UBE2K: variants seen among roughly 807,000 people sequenced by gnomAD.
UBE2K encodes the protein ubiquitin conjugating enzyme E2 K, also known as ubiquitin-conjugating enzyme E2 K.
In UBE2K, 6 loss-of-function variants were observed where a neutral mutation model predicts 30.0. The observed-to-expected ratio is 0.20, with a 90% CI of 0.11 to 0.39. UBE2K has a LOEUF of 0.39. Ranked by LOEUF, UBE2K falls within the 10% of genes least tolerant of loss-of-function variation. The pLI is 1.00. For synonymous variants in UBE2K, 86 were observed against 83.7 expected, an observed-to-expected ratio of 1.03 and a Z score of -0.15; for missense variants, 61 against 241.6, an observed-to-expected ratio of 0.25 and a Z score of 4.96.
chr4:39,774,256 A>C (rs1713138490), intron 4 of UBE2K, among the ~76,000 whole-genome samples: 1 of 151,914 alleles, frequency 6.6e-6, no homozygotes, highest in African/African-American at 2.4e-5. Context: ...GTGAGACAAG[A>C]TAGTGCCACT....
chr4:39,708,987 T>A (rs981235154), intron 1 of UBE2K, among the ~76,000 whole-genome samples: 1 of 151,678 alleles, frequency 6.6e-6, no homozygotes, highest in Non-Finnish European at 1.5e-5. Context: ...ATTTTTTAAC[T>A]CCTGAAGCAT....
At chr4:39,740,387 C>T (rs1720628636) in intron 2 of UBE2K, among the ~76,000 whole-genome samples, 1 of 151,758 alleles carries the variant, frequency 6.6e-6, no homozygotes, top group South Asian at 2.1e-4. Context: ...TATTAAGATA[C>T]ACTAATTAGC....
chr4:39,737,214 C>T (rs545967691), intron 1 of UBE2K, among the ~76,000 whole-genome samples: 7 of 152,160 alleles, frequency 4.6e-5, no homozygotes, highest in African/African-American at 1.4e-4. Flanking sequence ...GGTGTTATTT[C>T]GTTTAAAACA....
At chr4:39,717,406 T>G (rs1719142341) in intron 1 of UBE2K, among the ~76,000 whole-genome samples, 3 of 151,982 alleles carry the variant, frequency 2.0e-5, no homozygotes, top group Admixed American at 2.0e-4. Context: ...AATTTTTGTG[T>G]TTTAAGTACA....
At position 39,779,692 on chromosome 4, in the gene UBE2K, G is replaced by A. The variant is rs1446062615; in HGVS notation, c.*1258G>A. Reference sequence around the variant, plus strand: ...TAGTTTTGCAAGATCACACACTAATGTAACCATTTTATGAAGGTTGAAGTG... The same window carrying A: ...TAGTTTTGCAAGATCACACACTAATATAACCATTTTATGAAGGTTGAAGTG... On this transcript the variant is annotated 3_prime_UTR_variant, in exon 7 of 7. Coordinates refer to ENST00000261427, the MANE Select transcript of UBE2K (RefSeq NM_005339.5). 6.6e-6 allele frequency: 1 copy of A among 152,546 alleles called. No homozygotes were observed. The highest frequency in any genetic ancestry group is 1.5e-5 in the Non-Finnish European group (1 of 68,020). 9.4% of individuals were successfully genotyped at this position (152,546 alleles called of 1,614,324 possible). A position where few individuals can be genotyped will look rare whatever the true frequency, so the allele number is the denominator to read the frequency against.
intron 3 of UBE2K, among the ~76,000 whole-genome samples, chr4:39,749,540 A>T (rs952439551): frequency 2.0e-5 from 3 of 152,142 alleles, no homozygotes; most frequent in African/African-American, 7.2e-5. Flanking sequence ...CTAGTCTGGT[A>T]TGGTGGCATG....
chr4:39,713,788 A>T (rs1718850532), intron 1 of UBE2K: 1 of 151,012 alleles, frequency 6.6e-6, no homozygotes, highest in Non-Finnish European at 1.5e-5. Flanking sequence ...TCTATCATTC[A>T]TTATTTGTCC....
intron 4 of UBE2K, among the ~76,000 whole-genome samples, chr4:39,769,658 A>G (rs1053641698): frequency 1.9e-4 from 28 of 150,538 alleles, no homozygotes; most frequent in African/African-American, 6.8e-4. Context: ...CCTCCTGCCA[A>G]ATTCCCTCCC....
At chr4:39,729,157 G>A (rs945211227) in intron 1 of UBE2K, among the ~76,000 whole-genome samples, 14 of 151,994 alleles carry the variant, frequency 9.2e-5, no homozygotes, top group African/African-American at 3.4e-4. Context: ...TTTTAGTAGA[G>A]GCGGGGTTTC....
chr4:39,762,921 C>T (rs1712050328), intron 4 of UBE2K, among the ~76,000 whole-genome samples: 2 of 148,744 alleles, frequency 1.3e-5, no homozygotes, highest in Non-Finnish European at 3.0e-5. Flanking sequence ...GAGCCACGCA[C>T]CCGGCCAAAA....
chr4:39,713,440 G>A (rs1044403684), intron 1 of UBE2K, among the ~76,000 whole-genome samples: 3 of 151,920 alleles, frequency 2.0e-5, no homozygotes, highest in Non-Finnish European at 4.4e-5. Context: ...TTACAAGCGT[G>A]AGCCACTGTG....
At chr4:39,770,632 C>G in intron 4 of UBE2K, 7 of 1,600,034 alleles carry the variant, frequency 4.4e-6, no homozygotes, top group South Asian at 1.1e-5. Context: ...TCTGCGTTCT[C>G]CGACAGGCTA....
chr4:39,767,007 T>TC (rs2109396126), intron 4 of UBE2K, among the ~76,000 whole-genome samples: 1 of 152,270 alleles, frequency 6.6e-6, no homozygotes, highest in East Asian at 1.9e-4. Flanking sequence ...TGCCTCAGCT[T>TC]CCCAGAGTGC....
intron 4 of UBE2K, among the ~76,000 whole-genome samples, chr4:39,773,480 G>T (rs200312543): frequency 6.6e-6 from 1 of 151,004 alleles, no homozygotes; most frequent in Admixed American, 6.6e-5. Context: ...GAAAATAAAA[G>T]AAAAGAAAAA....
chr4:39,770,308 T>G, intron 4 of UBE2K: 2 of 1,612,602 alleles, frequency 1.2e-6, no homozygotes, highest in Non-Finnish European at 1.7e-6. Context: ...GAGTGTGACT[T>G]GACACCACGA....
chr4:39,734,760 G>A (rs1442755789), intron 1 of UBE2K, among the ~76,000 whole-genome samples: 3 of 152,196 alleles, frequency 2.0e-5, no homozygotes, highest in African/African-American at 7.2e-5. Flanking sequence ...GCAGTGAGCT[G>A]AGATCGCACT....
intron 1 of UBE2K, among the ~76,000 whole-genome samples, chr4:39,733,397 A>G (rs187704745): frequency 2.6e-4 from 38 of 146,630 alleles, no homozygotes; most frequent in African/African-American, 9.0e-4. Flanking sequence ...TAGTGGTGCA[A>G]TCTCGGCTCA....
intron 1 of UBE2K, among the ~76,000 whole-genome samples, chr4:39,732,369 T>A: frequency 6.6e-6 from 1 of 152,176 alleles, no homozygotes; most frequent in East Asian, 1.9e-4. Context: ...GAATGTAAGC[T>A]CCAAGTGGGC....
At chr4:39,712,368 ATTTTTTTTTTTTTTT>A (rs60301036) in intron 1 of UBE2K, among the ~76,000 whole-genome samples, 23 of 53,624 alleles carry the variant, frequency 4.3e-4, no homozygotes, top group African/African-American at 1.7e-3. Context: ...CGCCCGGCCA[ATTTTTTTTTTTTTTT>A]TTTTTTTTTT....
Sources: allele counts gnomAD v4.1 joint callset (sites outside exome capture counted in the v4.1 genomes callset), GRCh38; gene constraint gnomAD v4.1.1; transcripts MANE v1.5; gene names NCBI Gene and HGNC (gene_info 2026-07-23, HGNC 2026-07-21).